Variants in RAB3GAP2 observed in about 807,000 individuals in gnomAD.
The protein encoded by RAB3GAP2 is RAB3 GTPase activating non-catalytic protein subunit 2.
In RAB3GAP2, 87 loss-of-function variants were observed where a neutral mutation model predicts 185.3. The observed-to-expected ratio is 0.47, with a 90% CI of 0.39 to 0.56. RAB3GAP2 has a LOEUF of 0.56. RAB3GAP2 is among the 20% of genes least tolerant of loss of function. The pLI is 0.00. For synonymous variants in RAB3GAP2, 554 were observed against 576.1 expected (o/e 0.96, Z 0.55); for missense variants, 1,492 against 1,638.2 (o/e 0.91, Z 1.54).
At chr1:220,182,206 T>C (rs1402358114) in intron 21 of RAB3GAP2, 51 bp downstream of exon 21, 6 of 1,611,716 alleles carry the variant, frequency 3.7e-6, no homozygotes, top group Admixed American at 1.7e-5. Flanking sequence ...CTGACACTTC[T>C]GGGTGACATT....
intron 12 of RAB3GAP2, among the ~76,000 whole-genome samples, chr1:220,194,578 A>G (rs1053348435): frequency 2.0e-5 from 3 of 152,160 alleles, no homozygotes; most frequent in African/African-American, 7.2e-5. Context: ...TTTTTAGTAG[A>G]GACAAGGTTT....
intron 33 of RAB3GAP2, 28 bp from the exon 34 acceptor site, chr1:220,151,792 ACAGT>A (rs776367002): frequency 5.4e-5 from 85 of 1,573,954 alleles, no homozygotes; most frequent in Middle Eastern, 1.8e-4. Flanking sequence ...GAGAAATAAT[ACAGT>A]CAGAGTGAGC....
intron 1 of RAB3GAP2, chr1:220,266,673 T>C (rs750582594): frequency 5.9e-6 from 9 of 1,532,556 alleles, no homozygotes; most frequent in Non-Finnish European, 8.1e-6. Context: ...ACAGCAGCCC[T>C]GGCTCAAGGA....
intron 17 of RAB3GAP2, among the ~76,000 whole-genome samples, chr1:220,186,414 T>C (rs971634118): frequency 3.3e-5 from 5 of 152,156 alleles, no homozygotes; most frequent in African/African-American, 1.2e-4. Flanking sequence ...ATAAGACAAA[T>C]ATCCGATCAT....
At chr1:220,157,672 C>G in intron 30 of RAB3GAP2, 130 bp downstream of exon 30, 1 of 1,071,224 alleles carries the variant, frequency 9.3e-7, no homozygotes, top group Non-Finnish European at 1.4e-6. Flanking sequence ...ACCTTCTGGG[C>G]TCAAGTCAAA....
At chr1:220,155,503 G>T (rs987570722) in intron 31 of RAB3GAP2, among the ~76,000 whole-genome samples, 1 of 152,126 alleles carries the variant, frequency 6.6e-6, no homozygotes, top group African/African-American at 2.4e-5. Context: ...CCACCTGGTG[G>T]TCCTAGCTAT....
At position 220,210,886 on chromosome 1, in the gene RAB3GAP2, A is replaced by G; in HGVS notation, c.435-10T>C. On this transcript the variant is annotated splice_polypyrimidine_tract_variant and intron_variant, in intron 5 of 34. Transcript: ENST00000358951. ...ACGCCCAGTGGAACTCCTGTTACAA[A>G]CAAAATTTATTATCTTAACAACTCA... The G allele has an allele frequency of 6.2e-7, 1 of 1,613,916 alleles. No homozygotes were observed.
Position 220,153,205 on chromosome 1 carries a change from C to A in RAB3GAP2, c.3847G>T (p.Val1283Phe). 6.2e-7 allele frequency: 1 copy of A among 1,613,326 alleles called. No individual in the cohort carries two copies. The highest frequency in any genetic ancestry group is 8.5e-7 in the Non-Finnish European group (1 of 1,179,236). ...ATTACCTCTTCTCCTAAGTGGTCAA[C>A]TCCATAGTTGTATAGTTCCCCCACA... ...HYVGELYNYG[V>F]DHLGEEAILQ... Residue 1283 changes from valine (V) to phenylalanine (F), a missense_variant, in exon 33 of 35, where the codon GTT (valine) becomes TTT (phenylalanine). Transcript: ENST00000358951.
intron 1 of RAB3GAP2, among the ~76,000 whole-genome samples, chr1:220,271,711 G>T (rs1377596436): frequency 6.6e-6 from 1 of 151,984 alleles, no homozygotes; most frequent in Non-Finnish European, 1.5e-5. Flanking sequence ...AGTGTGGGGG[G>T]ATGATCAACA....
chr1:220,254,429 T>A, intron 1 of RAB3GAP2: 1 of 1,613,024 alleles, frequency 6.2e-7, no homozygotes, highest in Non-Finnish European at 8.5e-7. Flanking sequence ...CTTGCTTTAT[T>A]ACTCAATTAT....
In RAB3GAP2 at chr1:220,167,620, T is replaced by C; in HGVS notation, c.2862A>G (p.Glu954=). The part of the protein sequence containing the change: ...KWIFKQDFSP[E]VLKLANEERD... ...TTTCTTCATTAGCCAGTTTTAATAC[T>C]TCAGGGCTGAAGTCCTGTTTAAATA... The change falls in exon 25 of 35, where the codon GAA becomes GAG. Residue 954 remains glutamate, a synonymous_variant. Coordinates refer to ENST00000358951, the MANE Select transcript of RAB3GAP2 (RefSeq NM_012414.4). The C allele has an allele frequency of 6.2e-7, 1 of 1,614,160 alleles. No individual in the cohort carries two copies. Among genetic ancestry groups the C allele is most frequent in the Admixed American group, 1.7e-5 (1 of 60,032 alleles).
At chr1:220,210,007 G>A (rs905130135) in intron 7 of RAB3GAP2, among the ~76,000 whole-genome samples, 1 of 152,118 alleles carries the variant, frequency 6.6e-6, no homozygotes, top group Non-Finnish European at 1.5e-5. Flanking sequence ...AGTATCACTA[G>A]TAACAAGGCC....
At chr1:220,154,199 A>G in intron 31 of RAB3GAP2, 142 bp from the exon 32 acceptor site, 1 of 1,234,018 alleles carries the variant, frequency 8.1e-7, no homozygotes, top group Non-Finnish European at 1.1e-6. Context: ...TAATTTTTAT[A>G]ACAATTATCT....
At position 220,151,792 on chromosome 1, in the gene RAB3GAP2, A is replaced by G. The variant is rs752242013; in HGVS notation, c.3868-28T>C. On this transcript the variant is annotated intron_variant, in intron 33 of 34. Transcript: ENST00000358951. ...GAAGATAGGAACATGGAGAAATAAT[A>G]CAGTCAGAGTGAGCAGATTTGTTTA... 6.4e-6 allele frequency: 10 copies of G among 1,574,072 alleles called. 1 individual carries two copies. In the South Asian group the frequency reaches 1.1e-4, roughly 17 times the overall value.
Position 220,153,287 on chromosome 1 carries a change from T to G in RAB3GAP2, c.3765A>C (p.Leu1255=). 1 of 1,614,156 alleles carries G rather than the reference T, an allele frequency of 6.2e-7. No homozygotes were observed. Among genetic ancestry groups the G allele is most frequent in the Non-Finnish European group, 8.5e-7 (1 of 1,179,978 alleles). ...GAAGGTGATGGGCTAAATCCACAGC[T>G]AGAGCTGGCCAATCTTGGTCTTTCC... ...PFGKDQDWPA[L]AVDLAHHLQV... Residue 1255 remains leucine (L), a synonymous_variant, in exon 33 of 35, where the codon CTA becomes CTC. Coordinates refer to ENST00000358951, the MANE Select transcript of RAB3GAP2 (RefSeq NM_012414.4).
Position 220,272,285 on chromosome 1 carries a change from C to G in RAB3GAP2, c.53G>C (p.Arg18Pro). ...FCYFQDLQAA[R>P]DFLFPHLREE... ...CCGCAGGTGAGGAAAGAGGAAGTCC[C>G]GGGCGGCCTGGAGGTCCTGGAAGTA... The change falls in exon 1 of 35, where the codon CGG becomes CCG. Residue 18 changes from arginine to proline, a missense_variant. By Grantham distance (103) the Arg-to-Pro change is moderately radical. This residue lies in a region of RAB3GAP2 where 177 missense variants were observed against 160.6 expected (regional missense o/e 1.10). Coordinates refer to ENST00000358951, the MANE Select transcript of RAB3GAP2 (RefSeq NM_012414.4). 1 of 1,612,486 alleles carries G rather than the reference C, an allele frequency of 6.2e-7. No homozygotes were observed. The highest frequency in any genetic ancestry group is 8.5e-7 in the Non-Finnish European group (1 of 1,179,664).
chr1:220,213,785 T>A, intron 3 of RAB3GAP2, 71 bp downstream of exon 3: 1 of 1,515,786 alleles, frequency 6.6e-7, no homozygotes, highest in Non-Finnish European at 9.1e-7. Context: ...TTATATTCTT[T>A]TCACCTAATC....
intron 1 of RAB3GAP2, among the ~76,000 whole-genome samples, chr1:220,271,996 G>A (rs923306010): frequency 3.9e-5 from 6 of 152,012 alleles, no homozygotes; most frequent in African/African-American, 1.4e-4. Context: ...TTTTTAGCCA[G>A]GGGTCAGAGG....
chr1:220,232,059 CTT>C lies in RAB3GAP2; in HGVS notation c.180+738_180+739del, dbSNP rs1207937531. Among the ~76,000 whole-genome samples, 9 of 152,230 alleles carry C rather than the reference CTT, an allele frequency of 5.9e-5. No individual in the cohort carries two copies. The East Asian group carries it at 1.7e-3, about 29-fold the overall frequency. The stretch of plus-strand genomic sequence containing the variant: ...GAAAATATACTAACATATATAGGAA[CTT>C]TGTCTGCCTTGTTCCTTGCTATACT... On this transcript the variant is annotated intron_variant, in intron 2 of 34. Coordinates refer to ENST00000358951, the MANE Select transcript of RAB3GAP2 (RefSeq NM_012414.4).
Sources: allele counts gnomAD v4.1 joint callset (sites outside exome capture counted in the v4.1 genomes callset), GRCh38; gene constraint gnomAD v4.1.1; regional missense constraint gnomAD v4.1.1; transcripts MANE v1.5; gene names NCBI Gene and HGNC (gene_info 2026-07-23, HGNC 2026-07-21).